STK32B: variants seen among roughly 807,000 people sequenced by gnomAD.
STK32B encodes serine/threonine-protein kinase 32B.
A neutral mutation model predicts 52.6 loss-of-function variants in STK32B; 43 were observed. The observed-to-expected ratio is 0.82, with a 90% CI of 0.64 to 1.05. STK32B has a LOEUF of 1.05. STK32B is among the 50% of genes least tolerant of loss of function. The probability of loss-of-function intolerance (pLI) is 0.00; values close to 1 mark genes in which losing one functional copy is unlikely to be tolerated. For missense variants in STK32B, 621 were observed against 534.6 expected, an observed-to-expected ratio of 1.16 and a Z score of -1.59; for synonymous variants, 238 against 204.3, an observed-to-expected ratio of 1.17 and a Z score of -1.41.
chr4:5,248,911 A>C (rs1016023033), intron 3 of STK32B, among the ~76,000 whole-genome samples: 10 of 147,268 alleles, frequency 6.8e-5, no homozygotes, highest in African/African-American at 1.8e-4. Context: ...AACATCACAC[A>C]CTGGGGACTG....
chr4:5,314,569 C>G (rs1159265607), intron 3 of STK32B, among the ~76,000 whole-genome samples: 1 of 152,170 alleles, frequency 6.6e-6, no homozygotes, highest in Non-Finnish European at 1.5e-5. Flanking sequence ...ACTCGGGAGG[C>G]TGAGGCAGGA....
At chr4:5,184,955 C>T (rs895844674) in intron 3 of STK32B, among the ~76,000 whole-genome samples, 1 of 152,206 alleles carries the variant, frequency 6.6e-6, no homozygotes, top group Non-Finnish European at 1.5e-5. Flanking sequence ...AGCACTTGTC[C>T]TTTGAGGCTG....
rs544874888 is a variant in STK32B at position 5,131,629 on chromosome 4, C to G, written c.53-8276C>G. ...TCCAGCCATCCTTGCCTGCCTGCTGCTCCTGGGGACTGTCATGCATGTTTT... is the reference window on the plus strand; with the variant it reads ...TCCAGCCATCCTTGCCTGCCTGCTGGTCCTGGGGACTGTCATGCATGTTTT... On this transcript the variant is annotated intron_variant, in intron 1 of 11. Transcript: ENST00000282908. 1.8e-4 allele frequency among the ~76,000 whole-genome samples: 27 copies of G among 152,300 alleles called. No individual in the cohort carries two copies. In the South Asian group the frequency reaches 5.2e-3, roughly 29 times the overall value.
Position 5,175,592 on chromosome 4 carries a change from C to G in STK32B, c.260+7142C>G, listed in dbSNP as rs539837946. On this transcript the variant is annotated intron_variant, in intron 3 of 11. Coordinates refer to ENST00000282908, the MANE Select transcript of STK32B (RefSeq NM_018401.3). ...CTCCAGACCCCGTTTCCCTGGGTAT[C>G]AGCAGCAGTGGCTGCAGAACAGCAG... Among the ~76,000 whole-genome samples, 10 of 152,342 alleles carry G rather than the reference C, an allele frequency of 6.6e-5. 1 individual carries two copies. In the Middle Eastern group the frequency reaches 0.024, roughly 363 times the overall value.
At chr4:5,494,241 T>A (rs929743593) in intron 11 of STK32B, among the ~76,000 whole-genome samples, 1 of 152,144 alleles carries the variant, frequency 6.6e-6, no homozygotes, top group Non-Finnish European at 1.5e-5. Flanking sequence ...ACTCAGGACT[T>A]GCTTTATGAA....
intron 2 of STK32B, chr4:5,140,443 T>G: frequency 2.2e-6 from 1 of 457,580 alleles, no homozygotes; most frequent in Non-Finnish European, 3.2e-6. Flanking sequence ...CTCAGAAATT[T>G]TTTTTTTTGG....
At chr4:5,067,734 A>C (rs147421798) in intron 1 of STK32B, among the ~76,000 whole-genome samples, 1 of 152,136 alleles carries the variant, frequency 6.6e-6, no homozygotes, top group Non-Finnish European at 1.5e-5. Context: ...TTATAAATAA[A>C]AGAGGTCTAA....
intron 1 of STK32B, among the ~76,000 whole-genome samples, chr4:5,123,443 C>G (rs1715180106): frequency 6.6e-6 from 1 of 152,164 alleles, no homozygotes; most frequent in Non-Finnish European, 1.5e-5. Flanking sequence ...ATGCTAGCAT[C>G]ATTGTTATCA....
intron 1 of STK32B, among the ~76,000 whole-genome samples, chr4:5,117,365 A>G (rs1714786867): frequency 6.6e-6 from 1 of 151,946 alleles, no homozygotes; most frequent in South Asian, 2.1e-4. Flanking sequence ...CTTGTGTCAA[A>G]TGCTTTTTCT....
intron 7 of STK32B, among the ~76,000 whole-genome samples, chr4:5,451,634 A>G (rs1716004246): frequency 6.6e-6 from 1 of 152,136 alleles, no homozygotes; most frequent in East Asian, 1.9e-4. Context: ...CCTCGGCACT[A>G]TGGACATTTG....
chr4:5,466,298 T>C (rs750452360), intron 9 of STK32B, among the ~76,000 whole-genome samples: 4 of 152,172 alleles, frequency 2.6e-5, no homozygotes, highest in Non-Finnish European at 2.9e-5. Flanking sequence ...GTTGGGCAGA[T>C]TTTGAGCTGA....
Position 5,051,800 on chromosome 4 carries a change from G to GTCCCACA in STK32B, c.-59_-53dup. 7.7e-6 allele frequency: 12 copies of GTCCCACA among 1,552,260 alleles called. 1 individual carries two copies. The South Asian group carries it at 1.1e-4, about 14-fold the overall frequency. On this transcript the variant is annotated 5_prime_UTR_variant, in exon 1 of 12. Transcript: ENST00000282908. Reference sequence around the variant, plus strand: ...CCCGGCATCCCGCATCTCTGCGCGCGTCCCACATCCCGCATCCGGCATCCC... The same window carrying GTCCCACA: ...CCCGGCATCCCGCATCTCTGCGCGCGTCCCACATCCCACATCCCGCATCCGGCATCCC...
At chr4:5,486,873 T>C (rs957610840) in intron 11 of STK32B, among the ~76,000 whole-genome samples, 2 of 152,202 alleles carry the variant, frequency 1.3e-5, no homozygotes, top group African/African-American at 4.8e-5. Flanking sequence ...AGGAGAAATA[T>C]TACATATTGC....
At chr4:5,320,217 C>T (rs1485521482) in intron 3 of STK32B, among the ~76,000 whole-genome samples, 1 of 152,094 alleles carries the variant, frequency 6.6e-6, no homozygotes, top group East Asian at 1.9e-4. Flanking sequence ...GTAGAGCGGC[C>T]ACATCTGGTT....
At chr4:5,173,609 C>A (rs1486086782) in intron 3 of STK32B, among the ~76,000 whole-genome samples, 3 of 152,008 alleles carry the variant, frequency 2.0e-5, no homozygotes, top group Non-Finnish European at 4.4e-5. Context: ...TGTAGTTGAG[C>A]GGTTTTGAGT....
At chr4:5,068,002 A>G (rs981193808) in intron 1 of STK32B, among the ~76,000 whole-genome samples, 6 of 152,096 alleles carry the variant, frequency 3.9e-5, no homozygotes, top group African/African-American at 1.4e-4. Context: ...CACCTCCAGC[A>G]CTGGGGATTA....
chr4:5,064,981 C>G (rs184223171), intron 1 of STK32B, among the ~76,000 whole-genome samples: 1 of 151,508 alleles, frequency 6.6e-6, no homozygotes, highest in East Asian at 1.9e-4. Flanking sequence ...CAAGGTTGCC[C>G]CCTGCTTTTC....
intron 3 of STK32B, among the ~76,000 whole-genome samples, chr4:5,275,629 G>A (rs1047098307): frequency 8.6e-5 from 13 of 150,362 alleles, no homozygotes; most frequent in African/African-American, 3.2e-4. Context: ...TGCCATCATT[G>A]CACCCCCATC....
intron 4 of STK32B, among the ~76,000 whole-genome samples, chr4:5,352,183 C>T (rs1002588580): frequency 2.6e-5 from 4 of 151,870 alleles, no homozygotes; most frequent in East Asian, 1.9e-4. Context: ...TGACCTTAGA[C>T]GTAAAAATTC....
Sources: gnomAD v4.1 joint callset for allele counts (sites outside exome capture counted in the v4.1 genomes callset) on GRCh38, gnomAD v4.1.1 for gene constraint, MANE v1.5 for transcripts, NCBI Gene and HGNC (gene_info 2026-07-23, HGNC 2026-07-21) for gene names.